Variants in UBE2F observed in about 807,000 individuals in gnomAD.
UBE2F encodes the protein ubiquitin conjugating enzyme E2 F (putative).
In UBE2F, 5 loss-of-function variants were observed where a neutral mutation model predicts 29.6. That is an observed-to-expected ratio of 0.17 (90% CI 0.09 to 0.36). The LOEUF is 0.36. Ranked by LOEUF, UBE2F falls within the 10% of genes least tolerant of loss-of-function variation. UBE2F has a pLI of 1.00. For missense variants in UBE2F, 141 were observed against 228.5 expected, an observed-to-expected ratio of 0.62 and a Z score of 2.47; for synonymous variants, 66 against 81.8, an observed-to-expected ratio of 0.81 and a Z score of 1.04.
At chr2:238,006,681 GT>G (rs1289321820) in intron 4 of UBE2F, among the ~76,000 whole-genome samples, 2 of 151,146 alleles carry the variant, frequency 1.3e-5, no homozygotes, top group Non-Finnish European at 2.9e-5. Flanking sequence ...GCTTTACTTT[GT>G]TGTCTAAGAC....
intron 1 of UBE2F, among the ~76,000 whole-genome samples, chr2:237,969,936 G>A (rs772821846): frequency 6.6e-5 from 10 of 152,184 alleles, no homozygotes; most frequent in East Asian, 1.9e-4. Context: ...GCACAGTAGC[G>A]TAACAATGAA....
At position 238,022,591 on chromosome 2, in the gene UBE2F, G is replaced by A. The variant is rs79755489; in HGVS notation, c.283-2751G>A. 4.2e-3 allele frequency among the ~76,000 whole-genome samples: 638 copies of A among 152,142 alleles called. 22 individuals carry two copies. The East Asian group carries it at 0.078, about 19-fold the overall frequency. On this transcript the variant is annotated intron_variant, in intron 5 of 9. Coordinates refer to ENST00000272930, the MANE Select transcript of UBE2F (RefSeq NM_080678.3). ...TAAAGCAGCCTTCAGACCCCAAGAT[G>A]GTCATCTACATTTTCTTCTAGTCCT...
chr2:237,972,782 G>A (rs1398508255), intron 1 of UBE2F, among the ~76,000 whole-genome samples: 1 of 151,884 alleles, frequency 6.6e-6, no homozygotes. Context: ...TGAGCTCTTA[G>A]GCTCAAGCAA....
At chr2:238,004,504 C>G (rs957298584) in intron 4 of UBE2F, among the ~76,000 whole-genome samples, 1 of 151,812 alleles carries the variant, frequency 6.6e-6, no homozygotes, top group Non-Finnish European at 1.5e-5. Context: ...GTCTATGGCT[C>G]GTCTTTATTT....
chr2:238,039,086 T>C (rs989977884), intron 9 of UBE2F, among the ~76,000 whole-genome samples: 2 of 152,244 alleles, frequency 1.3e-5, no homozygotes, highest in East Asian at 1.9e-4. Context: ...AATAAAAAAA[T>C]TAGCCGGGCA....
rs939048524 is a variant in UBE2F, at chr2:237,982,858, G to C, written c.119-5105G>C. 7.9e-5 allele frequency among the ~76,000 whole-genome samples: 12 copies of C among 152,118 alleles called. No individual in the cohort carries two copies. The highest frequency in any genetic ancestry group is 2.4e-4 in the African/African-American group (10 of 41,408). On this transcript the variant is annotated intron_variant, in intron 2 of 9. Transcript: ENST00000272930. The surrounding 1 kb of genome is among the most constrained non-coding windows in gnomAD (Gnocchi z 4.1). ...GTTCTGTTGTCTTTCTCCATCCTCT[G>C]CCTTTCCCATACATTGCTCTAAGGA...
In UBE2F at chr2:237,973,099, G is replaced by A. The variant is rs1294026973; in HGVS notation, c.-9G>A. On this transcript the variant is annotated 5_prime_UTR_variant, in exon 2 of 10. Coordinates refer to ENST00000272930, the MANE Select transcript of UBE2F (RefSeq NM_080678.3). ...TTCATTGCTGTCTTTCAGGGTAAAG[G>A]CAGCAGTAATGCTAACGCTAGCAAG... is the stretch of plus-strand genomic sequence containing the variant. 3.1e-6 allele frequency: 5 copies of A among 1,608,274 alleles called. No homozygotes were observed. In the Admixed American group the frequency reaches 6.7e-5, roughly 21 times the overall value.
rs1198528855 is a variant in UBE2F at position 237,982,933 on chromosome 2, TGAG to T, written c.119-5029_119-5027del. On this transcript the variant is annotated intron_variant, in intron 2 of 9. Transcript: ENST00000272930. The surrounding 1 kb of genome is among the most constrained non-coding windows in gnomAD (Gnocchi z 4.1). ...AGGCAGCTATGTATCAGTGTGGGCA[TGAG>T]AAGAATAATGGTAAACCTTTCCTAG... Among the ~76,000 whole-genome samples the T allele has an allele frequency of 6.6e-6, 1 of 152,138 alleles. No individual in the cohort carries two copies. The highest frequency in any genetic ancestry group is 2.4e-5 in the African/African-American group (1 of 41,438).
rs1338266777 is a variant in UBE2F at position 238,040,026 on chromosome 2, G to A, written c.508-1262G>A. Among the ~76,000 whole-genome samples the A allele has an allele frequency of 6.6e-6, 1 of 152,206 alleles. No individual in the cohort carries two copies. The highest frequency in any genetic ancestry group is 1.5e-5 in the Non-Finnish European group (1 of 68,030). ...TTGCGGGGTAAAGGCCCATGTGGGA[G>A]GCTCCAAACGCCATCCTGTAGACAA... On this transcript the variant is annotated intron_variant, in intron 9 of 9. Transcript: ENST00000272930. The surrounding 1 kb of genome is among the most constrained non-coding windows in gnomAD (Gnocchi z 4.4).
At chr2:237,971,324 T>C (rs2063172142) in intron 1 of UBE2F, among the ~76,000 whole-genome samples, 1 of 152,158 alleles carries the variant, frequency 6.6e-6, no homozygotes. Flanking sequence ...CAATTTATTT[T>C]GTTTTATTTT....
intron 5 of UBE2F, among the ~76,000 whole-genome samples, chr2:238,019,760 A>G (rs1372372052): frequency 1.3e-5 from 2 of 149,108 alleles, no homozygotes; most frequent in Non-Finnish European, 3.0e-5. Flanking sequence ...CCTGGATTCA[A>G]GTAATTCTCC....
chr2:238,030,890 C>T (rs555744772), intron 7 of UBE2F, among the ~76,000 whole-genome samples: 5 of 152,342 alleles, frequency 3.3e-5, no homozygotes, highest in African/African-American at 4.8e-5. Context: ...CCAAACCACC[C>T]GCCACATAGG....
intron 7 of UBE2F, among the ~76,000 whole-genome samples, chr2:238,031,928 A>G (rs1489043510): frequency 6.6e-6 from 1 of 152,272 alleles, no homozygotes; most frequent in Non-Finnish European, 1.5e-5. Flanking sequence ...CCCTATGCAG[A>G]CACTGGCCTG....
At chr2:237,970,684 A>G (rs771567684) in intron 1 of UBE2F, among the ~76,000 whole-genome samples, 2 of 152,120 alleles carry the variant, frequency 1.3e-5, no homozygotes, top group Non-Finnish European at 2.9e-5. Flanking sequence ...ATCGTATTCT[A>G]TGTATTGTTT....
intron 5 of UBE2F, among the ~76,000 whole-genome samples, chr2:238,017,888 C>G (rs953966143): frequency 5.3e-5 from 8 of 152,242 alleles, no homozygotes; most frequent in Admixed American, 3.3e-4. Flanking sequence ...GAGTTGCCCC[C>G]CAACCCCAGC....
At chr2:238,037,330 G>C (rs1286007396) in intron 9 of UBE2F, among the ~76,000 whole-genome samples, 1 of 152,242 alleles carries the variant, frequency 6.6e-6, no homozygotes, top group East Asian at 1.9e-4. Flanking sequence ...AGGCAGCAGT[G>C]GTTTTAACTG....
intron 4 of UBE2F, among the ~76,000 whole-genome samples, chr2:238,002,654 C>T (rs1443532115): frequency 1.3e-5 from 2 of 152,162 alleles, no homozygotes; most frequent in African/African-American, 4.8e-5. Flanking sequence ...CTCCATCACC[C>T]AGGCTGGAGT....
intron 4 of UBE2F, among the ~76,000 whole-genome samples, chr2:237,999,465 A>G (rs60685024): frequency 0.027 from 4,056 of 152,292 alleles, 172 homozygotes; most frequent in African/African-American, 0.093. Context: ...TGAAACTTAT[A>G]AATATATGCT....
At chr2:238,037,744 T>C (rs2064747136) in intron 9 of UBE2F, among the ~76,000 whole-genome samples, 1 of 152,192 alleles carries the variant, frequency 6.6e-6, no homozygotes, top group Admixed American at 6.5e-5. Flanking sequence ...TAGCTGGGAC[T>C]GTGGGCATGC....
Sources: allele counts gnomAD v4.1 joint callset (sites outside exome capture counted in the v4.1 genomes callset), GRCh38; gene constraint gnomAD v4.1.1; non-coding constraint Gnocchi (gnomAD v3.1); transcripts MANE v1.5; gene names NCBI Gene and HGNC (gene_info 2026-07-23, HGNC 2026-07-21).